Variants in SLCO2B1 observed in about 807,000 individuals in gnomAD.
SLCO2B1 encodes the protein solute carrier organic anion transporter family member 2B1, also known as OATP-RP2.
Under a neutral mutation model 67.3 loss-of-function variants are expected in SLCO2B1, and 41 were observed. The observed-to-expected ratio is 0.61, with a 90% confidence interval of 0.47 to 0.79. The LOEUF (loss-of-function observed/expected upper bound fraction) is 0.79. Ranked by LOEUF, SLCO2B1 falls within the 30% of genes least tolerant of loss-of-function variation. The pLI, the probability that SLCO2B1 is intolerant of heterozygous loss-of-function variation, is 0.00. For synonymous variants in SLCO2B1, 379 were observed against 381.4 expected, an observed-to-expected ratio of 0.99 and a Z score of 0.07; for missense variants, 837 against 920.1, an observed-to-expected ratio of 0.91 and a Z score of 1.17.
intron 6 of SLCO2B1, among the ~76,000 whole-genome samples, chr11:75,171,171 T>C (rs938010826): frequency 6.6e-6 from 1 of 152,216 alleles, no homozygotes; most frequent in Non-Finnish European, 1.5e-5. Flanking sequence ...AAGTGCCAAC[T>C]GAGTCCTCTG....
At chr11:75,169,107 C>T in intron 4 of SLCO2B1, 66 bp from the exon 5 acceptor site, 2 of 1,271,654 alleles carry the variant, frequency 1.6e-6, no homozygotes, top group Non-Finnish European at 2.1e-6. Flanking sequence ...ACAGTACCTT[C>T]CCCCGGGGTA....
intron 5 of SLCO2B1, 66 bp from the exon 6 acceptor site, chr11:75,169,600 G>A: frequency 7.2e-7 from 1 of 1,398,522 alleles, no homozygotes; most frequent in Non-Finnish European, 9.9e-7. Context: ...ATCAGAGACT[G>A]GGCAAGCACT....
chr11:75,201,221 A>G (rs936069503), intron 11 of SLCO2B1: 2 of 151,812 alleles, frequency 1.3e-5, no homozygotes, highest in African/African-American at 4.8e-5. Flanking sequence ...ACGGGGTTTC[A>G]CCATGTTGGC....
rs565560154 is a variant in SLCO2B1 at position 75,162,072 on chromosome 11, G to A, written c.17-583G>A. Among the ~76,000 whole-genome samples, 6 of 152,200 alleles carry A rather than the reference G, an allele frequency of 3.9e-5. No homozygotes were observed. In the South Asian group the frequency reaches 1.2e-3, roughly 32 times the overall value. ...AACATGGTCTGATGGTGTGATTTGGGGATTGGCTGGTTAGCTCTGTGATGA... is the reference window on the plus strand; with the variant it reads ...AACATGGTCTGATGGTGTGATTTGGAGATTGGCTGGTTAGCTCTGTGATGA... On this transcript the variant is annotated intron_variant, in intron 1 of 13. Transcript: ENST00000289575.
intron 4 of SLCO2B1, among the ~76,000 whole-genome samples, chr11:75,168,954 T>C (rs1039126577): frequency 6.6e-6 from 1 of 152,152 alleles, no homozygotes; most frequent in Non-Finnish European, 1.5e-5. Flanking sequence ...AAGCCAGACC[T>C]CCTGAGTTCC....
intron 7 of SLCO2B1, among the ~76,000 whole-genome samples, chr11:75,178,108 A>AC (rs1257001166): frequency 6.6e-6 from 1 of 151,808 alleles, no homozygotes; most frequent in East Asian, 1.9e-4. Context: ...AAAAAAAAAA[A>AC]ACAAAAAACA....
At position 75,190,052 on chromosome 11, in the gene SLCO2B1, C is replaced by T. The variant is rs201991707; in HGVS notation, c.1075+1814C>T. Among the ~76,000 whole-genome samples, 24 of 152,230 alleles carry T rather than the reference C, an allele frequency of 1.6e-4. No individual in the cohort carries two copies. The East Asian group carries it at 4.2e-3, about 27-fold the overall frequency. On this transcript the variant is annotated intron_variant, in intron 8 of 13. Coordinates refer to ENST00000289575, the MANE Select transcript of SLCO2B1 (RefSeq NM_007256.5). The stretch of plus-strand genomic sequence containing the variant: ...TTCCCAGGGAAAGAGAGGGCTTGGA[C>T]TCCATGCATGGTGCTGGGCCTAGAC...
chr11:75,159,089 T>C (rs754352045), intron 1 of SLCO2B1, among the ~76,000 whole-genome samples: 3 of 152,202 alleles, frequency 2.0e-5, no homozygotes, highest in Non-Finnish European at 2.9e-5. Flanking sequence ...TCTGACTGTC[T>C]TATGAGGAGC....
At position 75,193,342 on chromosome 11, in the gene SLCO2B1, C is replaced by T. The variant is rs2140337831; in HGVS notation, c.1200C>T (p.Arg400=). ...CCTTCCTGCCCAAGTTCCTGGAGCG[C>T]CAGTTTTCCATCACAGCCTCCTACG... ...MATFLPKFLE[R]QFSITASYAN... The change falls in exon 9 of 14, where the codon CGC becomes CGT. Residue 400 remains arginine, a synonymous_variant. Transcript: ENST00000289575. This position sits in a 1 kb window ranked among gnomAD's most constrained non-coding sequence, Gnocchi z 4.2. 1.2e-6 allele frequency: 2 copies of T among 1,614,206 alleles called. No homozygotes were observed. The highest frequency in any genetic ancestry group is 1.3e-5 in the African/African-American group (1 of 75,068).
chr11:75,198,087 C>A (rs541440987), intron 10 of SLCO2B1, among the ~76,000 whole-genome samples: 1 of 152,348 alleles, frequency 6.6e-6, no homozygotes, highest in East Asian at 1.9e-4. Flanking sequence ...CAGGGAGAGA[C>A]CTGGGCTGCA....
At chr11:75,154,332 A>T (rs1949722818) in intron 1 of SLCO2B1, among the ~76,000 whole-genome samples, 1 of 147,122 alleles carries the variant, frequency 6.8e-6, no homozygotes, top group Non-Finnish European at 1.5e-5. Flanking sequence ...CATCTCTACT[A>T]AAAAAAAAAT....
chr11:75,176,694 G>A (rs1197915675), intron 7 of SLCO2B1, among the ~76,000 whole-genome samples: 1 of 152,178 alleles, frequency 6.6e-6, no homozygotes, highest in African/African-American at 2.4e-5. Flanking sequence ...GTGTGAGGTG[G>A]CAATGGTCCT....
chr11:75,179,696 A>C (rs1251262917), intron 7 of SLCO2B1, among the ~76,000 whole-genome samples: 1 of 152,166 alleles, frequency 6.6e-6, no homozygotes, highest in African/African-American at 2.4e-5. Flanking sequence ...TTTGTGTTTC[A>C]AATGTTCCAA....
intron 11 of SLCO2B1, 193 bp from the exon 12 acceptor site, chr11:75,202,708 T>C (rs1434547230): frequency 6.5e-6 from 4 of 611,742 alleles, no homozygotes; most frequent in Non-Finnish European, 8.8e-6. Context: ...GTCTTGTATA[T>C]GGGACCAGGC....
chr11:75,193,580 G>C lies in SLCO2B1; in HGVS notation c.1433+5G>C. On this transcript the variant is annotated splice_donor_5th_base_variant and intron_variant, in intron 9 of 13. Transcript: ENST00000289575. This position sits in a 1 kb window ranked among gnomAD's most constrained non-coding sequence, Gnocchi z 4.2. ...GGGCATCACACACCAGACCAGGTGA[G>C]TGTGTGCGTGGGCACGTAAAGGCAA... is the stretch of plus-strand genomic sequence containing the variant. 1 of 1,535,324 alleles carries C rather than the reference G, an allele frequency of 6.5e-7. No individual in the cohort carries two copies. Among genetic ancestry groups the C allele is most frequent in the South Asian group, 1.3e-5 (1 of 79,822 alleles).
intron 7 of SLCO2B1, among the ~76,000 whole-genome samples, chr11:75,175,370 G>T (rs575682927): frequency 1.3e-5 from 2 of 152,228 alleles, no homozygotes; most frequent in South Asian, 4.2e-4. Context: ...TGAATTGGCT[G>T]CCAGAAAGTC....
At chr11:75,191,390 G>A (rs1945021206) in intron 8 of SLCO2B1, among the ~76,000 whole-genome samples, 1 of 152,210 alleles carries the variant, frequency 6.6e-6, no homozygotes, top group African/African-American at 2.4e-5. Context: ...CCTGGGGTCA[G>A]AGCGAGCCTC....
chr11:75,200,697 G>T, intron 11 of SLCO2B1: 1 of 274,664 alleles, frequency 3.6e-6, no homozygotes, highest in Non-Finnish European at 6.8e-6. Flanking sequence ...GGGAGAGGAG[G>T]ACATACCTAG....
chr11:75,177,134 G>A (rs1224558812), intron 7 of SLCO2B1, among the ~76,000 whole-genome samples: 2 of 152,028 alleles, frequency 1.3e-5, no homozygotes, highest in Non-Finnish European at 1.5e-5. Context: ...GGAGGAGGAG[G>A]AGGGGCATCA....
Sources: gnomAD v4.1 joint callset for allele counts (sites outside exome capture counted in the v4.1 genomes callset) on GRCh38, gnomAD v4.1.1 for gene constraint, Gnocchi (gnomAD v3.1) non-coding constraint, MANE v1.5 for transcripts, NCBI Gene and HGNC (gene_info 2026-07-23, HGNC 2026-07-21) for gene names.